Variants in RASGRF2 observed in about 807,000 individuals in gnomAD.
RASGRF2 encodes the protein ras-specific guanine nucleotide-releasing factor 2.
Under a neutral mutation model 151.0 loss-of-function variants are expected in RASGRF2, and 76 were observed. The observed-to-expected ratio is 0.50, with a 90% CI of 0.42 to 0.61. The LOEUF (loss-of-function observed/expected upper bound fraction) is 0.61. Among genes scored for constraint, RASGRF2 ranks in the 20% least tolerant of loss-of-function variants. The probability of loss-of-function intolerance (pLI) is 0.00; values close to 1 mark genes in which losing one functional copy is unlikely to be tolerated. For missense variants in RASGRF2, 1,148 were observed against 1,564.6 expected, an observed-to-expected ratio of 0.73 and a Z score of 4.49; for synonymous variants, 504 against 566.5, an observed-to-expected ratio of 0.89 and a Z score of 1.57.
intron 5 of RASGRF2, among the ~76,000 whole-genome samples, chr5:81,074,729 T>C (rs1337649553): frequency 6.6e-6 from 1 of 152,146 alleles, no homozygotes; most frequent in East Asian, 1.9e-4. Context: ...GAATGTACCA[T>C]AGTTTTTTTA....
At chr5:81,171,754 A>C (rs1185938523) in intron 17 of RASGRF2, among the ~76,000 whole-genome samples, 1 of 152,102 alleles carries the variant, frequency 6.6e-6, no homozygotes. Context: ...ACATGTTGTC[A>C]CCTTTCTGCT....
At chr5:81,057,866 T>C (rs1751278344) in intron 2 of RASGRF2, among the ~76,000 whole-genome samples, 1 of 151,958 alleles carries the variant, frequency 6.6e-6, no homozygotes, top group Non-Finnish European at 1.5e-5. Context: ...CCTGGTGGTA[T>C]GCACCTGTAG....
chr5:81,107,515 C>T (rs1176192346), intron 12 of RASGRF2, among the ~76,000 whole-genome samples: 1 of 152,206 alleles, frequency 6.6e-6, no homozygotes, highest in Non-Finnish European at 1.5e-5. Flanking sequence ...GTAGCTAACA[C>T]TGAGTCCCTC....
At chr5:81,083,021 G>C (rs1178213905) in intron 7 of RASGRF2, among the ~76,000 whole-genome samples, 2 of 152,134 alleles carry the variant, frequency 1.3e-5, no homozygotes, top group African/African-American at 4.8e-5. Flanking sequence ...AATAACCCTA[G>C]AAAACACTTG....
chr5:80,976,814 C>T (rs1748129047), intron 1 of RASGRF2, among the ~76,000 whole-genome samples: 1 of 152,154 alleles, frequency 6.6e-6, no homozygotes, highest in African/African-American at 2.4e-5. Context: ...GGGTCCACAT[C>T]CTCTGTGCCT....
intron 1 of RASGRF2, among the ~76,000 whole-genome samples, chr5:81,032,720 C>T (rs1473931121): frequency 1.0e-4 from 15 of 150,300 alleles, no homozygotes; most frequent in African/African-American, 3.7e-4. Flanking sequence ...GGAAGCATTC[C>T]CTTTGAAAAC....
chr5:81,044,687 G>T (rs1205446804), intron 2 of RASGRF2, among the ~76,000 whole-genome samples: 1 of 152,078 alleles, frequency 6.6e-6, no homozygotes, highest in Non-Finnish European at 1.5e-5. Flanking sequence ...TTTGTGACAG[G>T]CATATTGGCC....
chr5:81,103,873 G>A lies in RASGRF2; in HGVS notation c.1756-5123G>A, dbSNP rs140526238. Among the ~76,000 whole-genome samples, 719 of 152,096 alleles carry A rather than the reference G, an allele frequency of 4.7e-3. 9 individuals are homozygous for A. Among genetic ancestry groups the A allele is most frequent in the South Asian group, 0.022 (105 of 4,806 alleles). Reference sequence around the variant, plus strand: ...AACTGTAATTTATGTTTATATAGTGGGATATATAGCAGTTAATATGAATGA... The same window carrying A: ...AACTGTAATTTATGTTTATATAGTGAGATATATAGCAGTTAATATGAATGA... On this transcript the variant is annotated intron_variant, in intron 12 of 26. Coordinates refer to ENST00000265080, the MANE Select transcript of RASGRF2 (RefSeq NM_006909.3).
At chr5:81,044,850 T>G (rs1395182284) in intron 2 of RASGRF2, among the ~76,000 whole-genome samples, 2 of 152,192 alleles carry the variant, frequency 1.3e-5, no homozygotes, top group African/African-American at 4.8e-5. Context: ...CTATTTTTTT[T>G]TTCTTTTCCT....
chr5:81,065,628 A>G (rs554700242), intron 2 of RASGRF2, among the ~76,000 whole-genome samples: 5 of 152,102 alleles, frequency 3.3e-5, no homozygotes, highest in Non-Finnish European at 7.4e-5. Context: ...GATCATAACA[A>G]TTGCCCTTGC....
chr5:81,200,435 A>G (rs139830396), intron 18 of RASGRF2, among the ~76,000 whole-genome samples: 1 of 152,252 alleles, frequency 6.6e-6, no homozygotes, highest in South Asian at 2.1e-4. Context: ...TATTGTCCCA[A>G]CTTTCCCCAG....
chr5:81,202,753 G>T (rs1755425739), intron 19 of RASGRF2, among the ~76,000 whole-genome samples: 1 of 152,252 alleles, frequency 6.6e-6, no homozygotes, highest in African/African-American at 2.4e-5. Context: ...CTTATAAGAA[G>T]TCAACCATGG....
At chr5:81,035,225 A>G (rs533619938) in intron 1 of RASGRF2, among the ~76,000 whole-genome samples, 4 of 152,312 alleles carry the variant, frequency 2.6e-5, no homozygotes, top group South Asian at 4.1e-4. Context: ...ATGTCCATCA[A>G]TGATAGACTG....
rs1753355925 is a variant in RASGRF2 at position 81,123,173 on chromosome 5, T to A, written c.2471-469T>A. On this transcript the variant is annotated intron_variant, in intron 15 of 26. Transcript: ENST00000265080. ...TCATTTTGGACAACATAGCTTTAGA[T>A]CTCTGGGAGACCCAGAGATCCCTGG... Among the ~76,000 whole-genome samples the A allele has an allele frequency of 3.9e-5, 6 of 152,106 alleles. No homozygotes were observed. In the South Asian group the frequency reaches 1.2e-3, roughly 32 times the overall value.
At chr5:81,178,718 G>A (rs1754838794) in intron 17 of RASGRF2, among the ~76,000 whole-genome samples, 1 of 151,934 alleles carries the variant, frequency 6.6e-6, no homozygotes, top group Non-Finnish European at 1.5e-5. Flanking sequence ...AGGAAGTGAG[G>A]AAGTTGAATC....
chr5:80,971,546 G>A (rs1747933110), intron 1 of RASGRF2, among the ~76,000 whole-genome samples: 3 of 150,294 alleles, frequency 2.0e-5, no homozygotes, highest in African/African-American at 7.4e-5. Context: ...GGGACTACAG[G>A]CACATGCCAC....
At chr5:81,205,281 T>A (rs921595725) in intron 19 of RASGRF2, among the ~76,000 whole-genome samples, 2 of 152,218 alleles carry the variant, frequency 1.3e-5, no homozygotes, top group African/African-American at 4.8e-5. Context: ...GTGCTGTGTG[T>A]GGGACCCTTG....
At chr5:80,991,114 AC>A (rs893305906) in intron 1 of RASGRF2, among the ~76,000 whole-genome samples, 14 of 152,200 alleles carry the variant, frequency 9.2e-5, no homozygotes, top group Admixed American at 9.2e-4. Context: ...CTCAAACCTT[AC>A]AAAGATCTGC....
At chr5:81,060,654 T>C (rs1751402286) in intron 2 of RASGRF2, among the ~76,000 whole-genome samples, 1 of 152,130 alleles carries the variant, frequency 6.6e-6, no homozygotes. Context: ...ACTCAGTAAA[T>C]ATTTATTGAC....
Sources: allele counts gnomAD v4.1 joint callset (sites outside exome capture counted in the v4.1 genomes callset), GRCh38; gene constraint gnomAD v4.1.1; transcripts MANE v1.5; gene names NCBI Gene and HGNC (gene_info 2026-07-23, HGNC 2026-07-21).